APP: variants seen among roughly 807,000 people sequenced by gnomAD.
APP encodes amyloid-beta precursor protein.
APP carries 31 observed loss-of-function variants against 101.4 expected under a neutral mutation model. The ratio of observed to expected loss-of-function variants is 0.31; its 90% CI spans 0.23 to 0.41. APP has a LOEUF of 0.41. Among genes scored for constraint, APP ranks in the 10% least tolerant of loss-of-function variants. APP has a pLI of 1.00. For missense variants in APP, 839 were observed against 1,003.7 expected, an observed-to-expected ratio of 0.84 and a Z score of 2.22; for synonymous variants, 366 against 364.4, an observed-to-expected ratio of 1.00 and a Z score of -0.05.
At chr21:25,972,978 A>T (rs1292201345) in intron 11 of APP, among the ~76,000 whole-genome samples, 1 of 152,178 alleles carries the variant, frequency 6.6e-6, no homozygotes, top group African/African-American at 2.4e-5. Context: ...TATCATTTGA[A>T]CTGACATAAC....
chr21:26,155,245 G>A (rs549114445), intron 1 of APP, among the ~76,000 whole-genome samples: 4 of 152,274 alleles, frequency 2.6e-5, no homozygotes, highest in Non-Finnish European at 4.4e-5. Context: ...CTGGGCAACC[G>A]ACTGAGTGAG....
At chr21:26,123,766 CT>C (rs1269087914) in intron 1 of APP, among the ~76,000 whole-genome samples, 2 of 152,118 alleles carry the variant, frequency 1.3e-5, no homozygotes, top group East Asian at 3.9e-4. Flanking sequence ...AAAAATCACA[CT>C]GCAGTCTTAC....
intron 14 of APP, among the ~76,000 whole-genome samples, chr21:25,910,830 A>C (rs2039035205): frequency 6.6e-6 from 1 of 152,228 alleles, no homozygotes; most frequent in African/African-American, 2.4e-5. Context: ...GTAGTTCTCT[A>C]TCTTTGCCTT....
rs777056675 is a variant in APP, at chr21:25,897,568, C to T, written c.2064+5G>A. 21 of 1,604,818 alleles carry T rather than the reference C, an allele frequency of 1.3e-5. No homozygotes were observed. The highest frequency in any genetic ancestry group is 3.3e-4 in the Middle Eastern group (2 of 6,066). ...TAGTGGAAAGAGGTAAATTATTTTACGTACCAATTTTTGATGATGAACTTC... is the reference window on the plus strand; with the variant it reads ...TAGTGGAAAGAGGTAAATTATTTTATGTACCAATTTTTGATGATGAACTTC... On this transcript the variant is annotated splice_donor_5th_base_variant and intron_variant, in intron 16 of 17. Coordinates refer to ENST00000346798, the MANE Select transcript of APP (RefSeq NM_000484.4).
At chr21:25,893,593 A>G (rs2037835173) in intron 16 of APP, among the ~76,000 whole-genome samples, 1 of 152,244 alleles carries the variant, frequency 6.6e-6, no homozygotes, top group African/African-American at 2.4e-5. Context: ...CTCTTAGGCC[A>G]AAGCCTAATC....
intron 1 of APP, among the ~76,000 whole-genome samples, chr21:26,166,188 G>C (rs2063603530): frequency 6.6e-6 from 1 of 152,146 alleles, no homozygotes; most frequent in African/African-American, 2.4e-5. Context: ...TCAGCTTCAG[G>C]GTTTGAGTTC....
At chr21:26,170,824 C>T (rs982156059), upstream of APP, 1 of 523,546 alleles carries the variant, frequency 1.9e-6, no homozygotes, top group East Asian at 3.6e-5. Context: ...CTGATCCGGC[C>T]CACCCCGCTC....
At chr21:26,116,738 AT>A (rs1568994496) in intron 1 of APP, among the ~76,000 whole-genome samples, 1 of 152,134 alleles carries the variant, frequency 6.6e-6, no homozygotes, top group Non-Finnish European at 1.5e-5. Context: ...GATTTATGTA[AT>A]TTTAAGGTTT....
At chr21:26,067,915 T>C (rs1227896159) in intron 3 of APP, among the ~76,000 whole-genome samples, 1 of 148,192 alleles carries the variant, frequency 6.7e-6, no homozygotes, top group Non-Finnish European at 1.5e-5. Flanking sequence ...TTCTGCCTTA[T>C]TTAAAAAAAA....
chr21:25,926,669 C>T (rs1268755726), intron 13 of APP, among the ~76,000 whole-genome samples: 3 of 152,160 alleles, frequency 2.0e-5, no homozygotes, highest in African/African-American at 7.2e-5. Flanking sequence ...CCTAATGCAA[C>T]CTTCTCACTG....
chr21:26,105,891 T>G (rs1010100313), intron 2 of APP, among the ~76,000 whole-genome samples: 25 of 152,312 alleles, frequency 1.6e-4, no homozygotes, highest in African/African-American at 6.0e-4. Context: ...GGGTCATTCT[T>G]CTATTTTGCC....
chr21:25,989,743 G>C (rs953977910), intron 8 of APP, among the ~76,000 whole-genome samples: 1 of 152,068 alleles, frequency 6.6e-6, no homozygotes, highest in Non-Finnish European at 1.5e-5. Flanking sequence ...AATGCTATTT[G>C]ATACCGACCC....
In APP at chr21:26,051,167, C is replaced by T; in HGVS notation, c.495G>A (p.Leu165=). The change falls in exon 5 of 18, where the codon TTG becomes TTA. Residue 165 remains leucine (L), a synonymous_variant. Coordinates refer to ENST00000346798, the MANE Select transcript of APP (RefSeq NM_000484.4). ...AGGGCAGCAACATGCCGTAGTCATG[C>T]AAGTTGGTACTCTTCTCACTGCATG... is the stretch of plus-strand genomic sequence containing the variant. The part of the protein sequence containing the change: ...KETCSEKSTN[L]HDYGMLLPCG... 6.2e-7 allele frequency: 1 copy of T among 1,614,030 alleles called. No individual in the cohort carries two copies. The highest frequency in any genetic ancestry group is 8.5e-7 in the Non-Finnish European group (1 of 1,179,966).
intron 6 of APP, among the ~76,000 whole-genome samples, chr21:26,002,853 G>C (rs2043358367): frequency 6.6e-6 from 1 of 152,148 alleles, no homozygotes; most frequent in Non-Finnish European, 1.5e-5. Context: ...GAACATCACA[G>C]CTCTGCAGAT....
intron 17 of APP, among the ~76,000 whole-genome samples, chr21:25,885,455 G>A (rs939793669): frequency 1.3e-5 from 2 of 152,254 alleles, no homozygotes; most frequent in Non-Finnish European, 2.9e-5. Context: ...ATAAGACAAT[G>A]AAGTCAGAAT....
chr21:25,903,066 A>G (rs1314909860), intron 15 of APP, among the ~76,000 whole-genome samples: 1 of 131,106 alleles, frequency 7.6e-6, no homozygotes, highest in African/African-American at 3.0e-5. Context: ...AGATTAAAAA[A>G]AATTTTTTTT....
chr21:25,954,207 G>C (rs945444642), intron 13 of APP, among the ~76,000 whole-genome samples: 5 of 152,144 alleles, frequency 3.3e-5, no homozygotes, highest in Non-Finnish European at 7.4e-5. Context: ...TTGTAAGATG[G>C]AACAATCGTG....
At chr21:25,954,732 G>C in intron 12 of APP, 43 bp from the exon 13 acceptor site, 2 of 1,484,106 alleles carry the variant, frequency 1.3e-6, no homozygotes, top group Non-Finnish European at 1.9e-6. Context: ...ATGTCTGGGG[G>C]TAGGAATGGT....
At chr21:26,079,044 CAAAAAAAAAA>C (rs34285555) in intron 3 of APP, among the ~76,000 whole-genome samples, 2 of 114,456 alleles carry the variant, frequency 1.7e-5, no homozygotes, top group African/African-American at 7.0e-5. Flanking sequence ...AACTCCATCT[CAAAAAAAAAA>C]AAAAAAAATC....
Sources: gnomAD v4.1 joint callset for allele counts (sites outside exome capture counted in the v4.1 genomes callset) on GRCh38, gnomAD v4.1.1 for gene constraint, MANE v1.5 for transcripts, NCBI Gene and HGNC (gene_info 2026-07-23, HGNC 2026-07-21) for gene names.